The following GRIK1 variants were observed in gnomAD, a reference collection of about 807,000 sequenced individuals.
The protein encoded by GRIK1 is glutamate receptor ionotropic, kainate 1.
In GRIK1, 69 loss-of-function variants were observed where a neutral mutation model predicts 105.7. The observed-to-expected ratio is 0.65, with a 90% CI of 0.54 to 0.80. GRIK1 has a LOEUF of 0.80. Among genes scored for constraint, GRIK1 ranks in the 30% least tolerant of loss-of-function variants. The probability of loss-of-function intolerance (pLI) is 0.00; values close to 1 mark genes in which losing one functional copy is unlikely to be tolerated. For synonymous variants in GRIK1, 438 were observed against 431.3 expected (o/e 1.02, Z -0.19); for missense variants, 1,109 against 1,167.3 (o/e 0.95, Z 0.73).
In GRIK1 at chr21:29,787,278, C is replaced by G. The variant is rs549054679; in HGVS notation, c.119-93215G>C. On this transcript the variant is annotated intron_variant, in intron 1 of 17. Coordinates refer to ENST00000327783, the MANE Select transcript of GRIK1 (RefSeq NM_001330994.2). ...CATACTAAGCCATTTTTAATTTGCT[C>G]TTATCATTTAAAGTCTCTCCTTTTC... 3.3e-5 allele frequency among the ~76,000 whole-genome samples: 5 copies of G among 152,238 alleles called. No homozygotes were observed. In the South Asian group the frequency reaches 1.0e-3, roughly 32 times the overall value.
At chr21:29,676,343 G>C (rs766757220) in intron 3 of GRIK1, among the ~76,000 whole-genome samples, 1 of 152,148 alleles carries the variant, frequency 6.6e-6, no homozygotes, top group Non-Finnish European at 1.5e-5. Flanking sequence ...TCTTCCTGAA[G>C]CAATTGTTTG....
intron 1 of GRIK1, among the ~76,000 whole-genome samples, chr21:29,905,364 G>T (rs1400000490): frequency 6.6e-6 from 1 of 151,656 alleles, no homozygotes; most frequent in Non-Finnish European, 1.5e-5. Context: ...CTATAAAATG[G>T]ACAGTTAAAA....
At chr21:29,723,784 C>CT (rs56285910) in intron 1 of GRIK1, among the ~76,000 whole-genome samples, 42 of 148,870 alleles carry the variant, frequency 2.8e-4, no homozygotes, top group East Asian at 2.5e-3. Flanking sequence ...TTTACTCATT[C>CT]TTTTTTTTTT....
rs4254570 is a variant in GRIK1, at chr21:29,873,120, T to A, written c.118+66263A>T. On this transcript the variant is annotated intron_variant, in intron 1 of 17. Transcript: ENST00000327783. ...GTACAGGAAAAAAGGAATTAAAGAATCTTTGAGGTAAAAAGAGCCTTAGAA... is the reference window on the plus strand; with the variant it reads ...GTACAGGAAAAAAGGAATTAAAGAAACTTTGAGGTAAAAAGAGCCTTAGAA... 8.9e-4 allele frequency among the ~76,000 whole-genome samples: 136 copies of A among 152,252 alleles called. 2 individuals carry two copies. The East Asian group carries it at 0.024, about 27-fold the overall frequency.
At chr21:29,707,022 G>T (rs2063924079) in intron 1 of GRIK1, among the ~76,000 whole-genome samples, 1 of 152,120 alleles carries the variant, frequency 6.6e-6, no homozygotes, top group South Asian at 2.1e-4. Context: ...CCGCCACCGC[G>T]CCCTGCTAAT....
At chr21:29,803,092 G>T (rs939897918) in intron 1 of GRIK1, among the ~76,000 whole-genome samples, 3 of 151,902 alleles carry the variant, frequency 2.0e-5, no homozygotes, top group Non-Finnish European at 4.4e-5. Flanking sequence ...GGATATTTAC[G>T]ATCTGAATTT....
chr21:29,831,297 G>A (rs2067629552), intron 1 of GRIK1, among the ~76,000 whole-genome samples: 1 of 152,102 alleles, frequency 6.6e-6, no homozygotes, highest in African/African-American at 2.4e-5. Context: ...CCATCTTTCA[G>A]TCCCATTGGC....
chr21:29,610,189 T>C (rs2061702023), intron 7 of GRIK1, among the ~76,000 whole-genome samples: 1 of 152,166 alleles, frequency 6.6e-6, no homozygotes, highest in South Asian at 2.1e-4. Flanking sequence ...CTAGGTGCTA[T>C]AGGAATATTG....
chr21:29,548,693 T>C (rs1442167150), intron 16 of GRIK1, among the ~76,000 whole-genome samples: 1 of 152,196 alleles, frequency 6.6e-6, no homozygotes. Context: ...ATTGTAGTAC[T>C]GCATTGCCAC....
intron 1 of GRIK1, among the ~76,000 whole-genome samples, chr21:29,780,517 A>C (rs2066065815): frequency 6.6e-6 from 1 of 152,166 alleles, no homozygotes; most frequent in South Asian, 2.1e-4. Flanking sequence ...ATTTCATTTC[A>C]CTTAGCTAGG....
rs1020005482 is a variant in GRIK1, at chr21:29,634,539, T to C, written c.1098+8287A>G. 2.6e-5 allele frequency among the ~76,000 whole-genome samples: 4 copies of C among 152,226 alleles called. 1 individual carries two copies. Among genetic ancestry groups the C allele is most frequent in the African/African-American group, 9.6e-5 (4 of 41,458 alleles). On this transcript the variant is annotated intron_variant, in intron 7 of 17. Coordinates refer to ENST00000327783, the MANE Select transcript of GRIK1 (RefSeq NM_001330994.2). ...TTCTGGCTTCAGTTCAATAAGCATC[T>C]TTTAAAATGCCTGCCGTGTACAGGC... is the stretch of plus-strand genomic sequence containing the variant.
At chr21:29,865,958 A>G (rs1359516496) in intron 1 of GRIK1, among the ~76,000 whole-genome samples, 1 of 152,220 alleles carries the variant, frequency 6.6e-6, no homozygotes, top group African/African-American at 2.4e-5. Flanking sequence ...AAACCAGGGT[A>G]CTTGCATGCA....
chr21:29,915,489 C>T (rs1448236739), intron 1 of GRIK1, among the ~76,000 whole-genome samples: 1 of 152,000 alleles, frequency 6.6e-6, no homozygotes, highest in Non-Finnish European at 1.5e-5. Flanking sequence ...ACATATACTG[C>T]CCTGCTAGTC....
At chr21:29,901,723 G>C (rs1017821171) in intron 1 of GRIK1, among the ~76,000 whole-genome samples, 1 of 152,126 alleles carries the variant, frequency 6.6e-6, no homozygotes, top group African/African-American at 2.4e-5. Flanking sequence ...AGTTCAAAGA[G>C]GAGCTGGTAC....
chr21:29,590,484 G>T lies in GRIK1; in HGVS notation c.1365+628C>A, dbSNP rs3026026. Among the ~76,000 whole-genome samples the T allele has an allele frequency of 5.1e-3, 773 of 152,288 alleles. 25 individuals carry two copies. The East Asian group carries it at 0.095, about 19-fold the overall frequency. On this transcript the variant is annotated intron_variant, in intron 10 of 17. Coordinates refer to ENST00000327783, the MANE Select transcript of GRIK1 (RefSeq NM_001330994.2). ...GAGGCAGGACTTTCAAGAACAGTTA[G>T]TAAAGGAGCTGTGTACAGAAGTGTG...
chr21:29,674,058 T>C (rs996594733), intron 3 of GRIK1, among the ~76,000 whole-genome samples: 2 of 148,812 alleles, frequency 1.3e-5, no homozygotes, highest in African/African-American at 5.1e-5. Context: ...TACGGAAAAA[T>C]TGAGTTTTTT....
chr21:29,924,392 G>A (rs2071288735), intron 1 of GRIK1, among the ~76,000 whole-genome samples: 1 of 151,808 alleles, frequency 6.6e-6, no homozygotes, highest in Admixed American at 6.6e-5. Flanking sequence ...GGGTTGTGAT[G>A]AAGTGATGAA....
rs183351525 is a variant in GRIK1, at chr21:29,757,619, C to T, written c.119-63556G>A. On this transcript the variant is annotated intron_variant, in intron 1 of 17. Transcript: ENST00000327783. ...GAGGATAGCATTATTTTTTTAAGTT[C>T]TTTCTCAAAGAAGCCAGTCAATCAA... is the stretch of plus-strand genomic sequence containing the variant. 9.5e-4 allele frequency among the ~76,000 whole-genome samples: 145 copies of T among 152,152 alleles called. 1 individual carries two copies. The highest frequency in any genetic ancestry group is 2.2e-3 in the Admixed American group (33 of 15,290).
At position 29,719,716 on chromosome 21, in the gene GRIK1, C is replaced by T. The variant is rs190687344; in HGVS notation, c.119-25653G>A. On this transcript the variant is annotated intron_variant, in intron 1 of 17. Transcript: ENST00000327783. ...CAGCTTCTGTACAATATAAAAATCC[C>T]ATTATGCATATTAAGCAATGAGACT... Among the ~76,000 whole-genome samples the T allele has an allele frequency of 8.2e-4, 125 of 152,236 alleles. No individual in the cohort carries two copies. In the Middle Eastern group the frequency reaches 0.01, roughly 13 times the overall value.
Sources: gnomAD v4.1 joint callset for allele counts (sites outside exome capture counted in the v4.1 genomes callset) on GRCh38, gnomAD v4.1.1 for gene constraint, MANE v1.5 for transcripts, NCBI Gene and HGNC (gene_info 2026-07-23, HGNC 2026-07-21) for gene names.